CDAN1: variants seen among roughly 807,000 people sequenced by gnomAD.
CDAN1 encodes codanin-1.
In CDAN1, 107 loss-of-function variants were observed where a neutral mutation model predicts 139.8. The observed-to-expected ratio is 0.77, with a 90% CI of 0.65 to 0.90. The LOEUF is 0.90. Ranked by LOEUF, CDAN1 falls within the 40% of genes least tolerant of loss-of-function variation. CDAN1 has a pLI of 0.00. For synonymous variants in CDAN1, 776 were observed against 660.6 expected (o/e 1.17, Z -2.68); for missense variants, 1,667 against 1,575.7 (o/e 1.06, Z -0.98).
At chr15:42,729,484 C>T in intron 17 of CDAN1, 84 bp downstream of exon 17, 1 of 1,603,526 alleles carries the variant, frequency 6.2e-7, no homozygotes, top group South Asian at 1.1e-5. Flanking sequence ...GGAGCAATAT[C>T]CAAGGGAGCT....
rs769718759 is a variant in CDAN1 at position 42,725,285 on chromosome 15, G to C, written c.3451-34C>G. ...CACACCGAGGTCAGGGTTGCTAGGA[G>C]GACGACAGAGTGACCCTGATGACAG... On this transcript the variant is annotated intron_variant, in intron 26 of 27. Transcript: ENST00000356231. 1.0e-4 allele frequency: 160 copies of C among 1,588,008 alleles called. No homozygotes were observed. In the South Asian group the frequency reaches 1.5e-3, roughly 15 times the overall value.
intron 20 of CDAN1, 118 bp downstream of exon 20, chr15:42,728,534 G>A (rs2061562780): frequency 5.6e-6 from 8 of 1,421,230 alleles, no homozygotes; most frequent in Non-Finnish European, 7.9e-6. Context: ...ATGGGCGCAG[G>A]GAGAAGAAAA....
chr15:42,730,505 T>G, intron 14 of CDAN1, 93 bp downstream of exon 14: 2 of 1,441,396 alleles, frequency 1.4e-6, no homozygotes, highest in Non-Finnish European at 1.9e-6. Flanking sequence ...ACACGCACAG[T>G]GCAGACTGCT....
At chr15:42,727,912 T>C (rs1027156502) in intron 22 of CDAN1, 43 bp downstream of exon 22, 4 of 1,607,738 alleles carry the variant, frequency 2.5e-6, no homozygotes, top group Non-Finnish European at 2.6e-6. Context: ...CCAGTCCACT[T>C]TTTAAACACT....
intron 1 of CDAN1, 92 bp from the exon 2 acceptor site, chr15:42,736,872 G>C (rs2061697098): frequency 6.9e-7 from 1 of 1,447,504 alleles, no homozygotes; most frequent in Non-Finnish European, 9.1e-7. Context: ...CCTCGGGTGG[G>C]CGGCCCGGGC....
At position 42,724,041 on chromosome 15, in the gene CDAN1, C is replaced by A; in HGVS notation, c.*450G>T. On this transcript the variant is annotated 3_prime_UTR_variant, in exon 28 of 28. Coordinates refer to ENST00000356231, the MANE Select transcript of CDAN1 (RefSeq NM_138477.4). ...AGGCATTTATAAGGAGATGGCAGTC[C>A]AGCTCCTGGTGATAAGAAAATGTAG... is the stretch of plus-strand genomic sequence containing the variant. 1 of 260,792 alleles carries A rather than the reference C, an allele frequency of 3.8e-6. No homozygotes were observed. The highest frequency in any genetic ancestry group is 7.6e-6 in the Non-Finnish European group (1 of 131,984). The allele number at this position is 260,792 out of a possible 1,614,324, so 16.2% of individuals were successfully genotyped here.
chr15:42,733,061 T>A, intron 9 of CDAN1, 36 bp downstream of exon 9: 1 of 1,591,412 alleles, frequency 6.3e-7, no homozygotes, highest in Non-Finnish European at 8.6e-7. Context: ...AGCTACTCAT[T>A]GCCAGGAACA....
At chr15:42,729,392 C>G in intron 17 of CDAN1, 30 bp from the exon 18 acceptor site, 3 of 1,613,854 alleles carry the variant, frequency 1.9e-6, no homozygotes, top group South Asian at 1.1e-5. Flanking sequence ...GTTCTCAGTT[C>G]CAGAACCCTC....
Position 42,726,308 on chromosome 15 carries a change from A to C in CDAN1, c.3204+2T>G. ...CCCCCGGTGGCAGATGCCACAGCTC[A>C]CCTGGCGGCACCGCAGCGTCTGGCC... is the stretch of plus-strand genomic sequence containing the variant. On this transcript the variant is annotated splice_donor_variant, in intron 24 of 27. Coordinates refer to ENST00000356231, the MANE Select transcript of CDAN1 (RefSeq NM_138477.4). LOFTEE classifies it high-confidence loss of function. 1 of 1,586,708 alleles carries C rather than the reference A, an allele frequency of 6.3e-7. No individual in the cohort carries two copies. Among genetic ancestry groups the C allele is most frequent in the Non-Finnish European group, 8.6e-7 (1 of 1,166,424 alleles).
intron 25 of CDAN1, 76 bp from the exon 26 acceptor site, chr15:42,725,746 ACTTCGGGAGG>A (rs1402240261): frequency 1.8e-5 from 26 of 1,468,484 alleles, no homozygotes; most frequent in Admixed American, 3.6e-5. Flanking sequence ...TAATCCCAAC[ACTTCGGGAGG>A]CTGAGGTGGG....
rs2061513594 is a variant in CDAN1 at position 42,725,517 on chromosome 15, C to G, written c.3422G>C (p.Gly1141Ala). Residue 1141 changes from glycine to alanine, a missense_variant, in exon 26 of 28, where the codon GGG becomes GCG. Transcript: ENST00000356231. ...CCTTGGCCTTGTGTCTGCCAGAAGC[C>G]CCACATTTCTTGGGCTCAGCAGCAG... is the stretch of plus-strand genomic sequence containing the variant. ...LQLLLSPRNV[G>A]LLADTRPREW... The G allele has an allele frequency of 6.2e-6, 10 of 1,614,132 alleles. No homozygotes were observed. Among genetic ancestry groups the G allele is most frequent in the Non-Finnish European group, 7.6e-6 (9 of 1,180,028 alleles).
intron 27 of CDAN1, 152 bp downstream of exon 27, chr15:42,724,989 TATA>T (rs2061503372): frequency 2.8e-6 from 2 of 723,024 alleles, no homozygotes; most frequent in East Asian, 2.7e-5. Context: ...CAGTCCCTCA[TATA>T]ATAACTACTC....
At chr15:42,729,208 C>T (rs1209503133) in intron 18 of CDAN1, 21 bp downstream of exon 18, 7 of 1,610,914 alleles carry the variant, frequency 4.3e-6, no homozygotes, top group Non-Finnish European at 5.9e-6. Flanking sequence ...TTCCCCACGG[C>T]TGTCTCCGCC....
At chr15:42,727,393 C>G (rs2061542708) in intron 23 of CDAN1, among the ~76,000 whole-genome samples, 1 of 152,222 alleles carries the variant, frequency 6.6e-6, no homozygotes, top group African/African-American at 2.4e-5. Context: ...CCTAGCTGCC[C>G]TTTTCCCCTT....
intron 25 of CDAN1, 96 bp downstream of exon 25, chr15:42,725,997 AAAAG>A (rs1210208890): frequency 1.6e-5 from 15 of 926,002 alleles, no homozygotes; most frequent in Non-Finnish European, 2.3e-5. Context: ...AAAAAAAAAA[AAAAG>A]GGACAGAAGA....
chr15:42,732,465 C>G (rs944662712), intron 9 of CDAN1, 57 bp from the exon 10 acceptor site: 1 of 1,522,620 alleles, frequency 6.6e-7, no homozygotes, highest in Non-Finnish European at 9.1e-7. Flanking sequence ...GGAGAAAGAT[C>G]TGAGAGAAGC....
Position 42,728,682 on chromosome 15 carries a change from T to A in CDAN1, c.2774A>T (p.His925Leu). 6.2e-7 allele frequency: 1 copy of A among 1,614,122 alleles called. No individual in the cohort carries two copies. The highest frequency in any genetic ancestry group is 8.5e-7 in the Non-Finnish European group (1 of 1,180,026). The change falls in exon 20 of 28, where the codon CAC becomes CTC. Residue 925 changes from histidine (H) to leucine (L), a missense_variant. Physicochemically the swap from His to Leu is moderately conservative, Grantham distance 99. This residue lies in a region of CDAN1 where 936 missense variants were observed against 844.1 expected (regional missense o/e 1.11). Transcript: ENST00000356231. ...CCCCAGGGCCAATGCCTGGGCCCCG[T>A]GAGGGCACAGCTGGGAACACAAGAT... ...LEILCSQLCP[H>L]GAQALALGRE...
chr15:42,729,934 C>T, intron 15 of CDAN1, 49 bp from the exon 16 acceptor site: 1 of 1,266,146 alleles, frequency 7.9e-7, no homozygotes. Context: ...CCCCACCCAA[C>T]CCACCCCACC....
Position 42,730,962 on chromosome 15 carries a change from C to T in CDAN1, c.1970G>A (p.Gly657Asp). Residue 657 changes from glycine (G) to aspartate (D), a missense_variant, in exon 13 of 28, where the codon GGT (glycine) becomes GAT (aspartate). Gly to Asp is a moderately conservative substitution (Grantham distance 94, BLOSUM62 -1). Transcript: ENST00000356231. ...GGCCAGAATGGAGTCCTGAAGCTCA[C>T]CGGTCGGGGGAGGTTCAGGCCCCCG... ...PYRGPEPPPT[G>D]ELQDSILALR... 1 of 1,614,198 alleles carries T rather than the reference C, an allele frequency of 6.2e-7. No homozygotes were observed. Among genetic ancestry groups the T allele is most frequent in the African/African-American group, 1.3e-5 (1 of 75,048 alleles).
Sources: gnomAD v4.1 joint callset for allele counts (sites outside exome capture counted in the v4.1 genomes callset) on GRCh38, gnomAD v4.1.1 for gene constraint, gnomAD v4.1.1 regional missense constraint, MANE v1.5 for transcripts, NCBI Gene and HGNC (gene_info 2026-07-23, HGNC 2026-07-21) for gene names.